KRABD3: variants seen among roughly 807,000 people sequenced by gnomAD.
The protein encoded by KRABD3 is KRAB domain containing 3, also known as KRAB domain-containing protein 3.
chr7:149,719,644 G>A, the KRABD3 span: 8 of 1,608,596 alleles, frequency 5.0e-6, no homozygotes, highest in Non-Finnish European at 6.8e-6. This position sits in a 1 kb window ranked among gnomAD's most constrained non-coding sequence, Gnocchi z 5.6. Flanking sequence ...ACGTGATGCG[G>A]GAGAACTACG....
chr7:149,734,154 C>T, the KRABD3 span: 1 of 1,402,096 alleles, frequency 7.1e-7, no homozygotes, highest in Non-Finnish European at 9.5e-7. Context: ...GACGCCATCT[C>T]CCTTACTGTT....
chr7:149,728,415 C>A, the KRABD3 span: 1 of 1,279,408 alleles, frequency 7.8e-7, no homozygotes, highest in Non-Finnish European at 1.1e-6. Context: ...CTGTGCCCAG[C>A]ACCCCTGTGA....
At chr7:149,733,738 C>T in the KRABD3 span, 1 of 1,583,302 alleles carries the variant, frequency 6.3e-7, no homozygotes, top group East Asian at 2.3e-5. Flanking sequence ...GGCTCCACTG[C>T]AGCTCTTCCC....
the KRABD3 span, chr7:149,722,186 C>T: frequency 1.8e-6 from 1 of 570,980 alleles, no homozygotes; most frequent in East Asian, 3.1e-5. Context: ...GGCATCACTT[C>T]CTGAGCCAAA....
chr7:149,726,519 C>A, the KRABD3 span, among the ~76,000 whole-genome samples: 1 of 151,540 alleles, frequency 6.6e-6, no homozygotes, highest in African/African-American at 2.4e-5. Flanking sequence ...CTCACTGCAA[C>A]CTCCACCTCC....
At chr7:149,733,883 C>T in the KRABD3 span, 2 of 1,591,352 alleles carry the variant, frequency 1.3e-6, no homozygotes, top group African/African-American at 1.3e-5. Flanking sequence ...AGCCTCTCCT[C>T]CTGCAGCCAG....
the KRABD3 span, chr7:149,730,799 A>G: frequency 3.5e-6 from 2 of 578,890 alleles, no homozygotes; most frequent in Non-Finnish European, 6.1e-6. Flanking sequence ...ACTTGATGCC[A>G]CGTACACGGT....
At chr7:149,729,853 T>C in the KRABD3 span, 11 of 985,320 alleles carry the variant, frequency 1.1e-5, no homozygotes, top group African/African-American at 1.7e-5. Context: ...AGAAGCCGCC[T>C]GGCCTGTGAG....
chr7:149,727,163 G>A, the KRABD3 span, among the ~76,000 whole-genome samples: 1 of 152,070 alleles, frequency 6.6e-6, no homozygotes, highest in African/African-American at 2.4e-5. Flanking sequence ...TGGTTAATCC[G>A]AGTCCTCTTG....
the KRABD3 span, chr7:149,730,394 A>G: frequency 1.9e-6 from 3 of 1,565,864 alleles, no homozygotes; most frequent in Non-Finnish European, 2.6e-6. Context: ...GGCGCCAGTC[A>G]CCACTCTGAT....
At chr7:149,721,152 A>G in the KRABD3 span, among the ~76,000 whole-genome samples, 3 of 152,322 alleles carry the variant, frequency 2.0e-5, no homozygotes, top group South Asian at 2.1e-4. Context: ...CTCTGAGCAC[A>G]TGCCCATAGC....
At chr7:149,731,819 C>T in the KRABD3 span, 5 of 1,454,454 alleles carry the variant, frequency 3.4e-6, no homozygotes, top group South Asian at 1.2e-5. Context: ...CGGGCCAGGA[C>T]CCAGAGCCCC....
the KRABD3 span, chr7:149,733,090 TG>T: frequency 7.9e-7 from 1 of 1,259,600 alleles, no homozygotes; most frequent in Non-Finnish European, 1.1e-6. Context: ...CCTTCCTTTC[TG>T]GAAGCTGGGC....
chr7:149,728,614 C>A, the KRABD3 span: 1 of 1,613,730 alleles, frequency 6.2e-7, no homozygotes, highest in East Asian at 2.2e-5. Flanking sequence ...GGCCCTGCTC[C>A]TCAGCAGCAG....
the KRABD3 span, chr7:149,725,560 C>A: frequency 7.0e-7 from 1 of 1,421,586 alleles, no homozygotes; most frequent in Non-Finnish European, 9.4e-7. Context: ...TGAGGACTGT[C>A]GGGTCATTGT....
At chr7:149,719,457 A>T in the KRABD3 span, 1 of 1,383,190 alleles carries the variant, frequency 7.2e-7, no homozygotes. This position sits in a 1 kb window ranked among gnomAD's most constrained non-coding sequence, Gnocchi z 5.6. Flanking sequence ...GTGCGCCTGG[A>T]GGCCTAGGTG....
the KRABD3 span, chr7:149,715,013 C>G: frequency 5.7e-6 from 7 of 1,226,554 alleles, no homozygotes; most frequent in African/African-American, 4.7e-5. Flanking sequence ...CGCCAGGGCC[C>G]GCGCCGGAAA....
At chr7:149,725,679 A>G in the KRABD3 span, among the ~76,000 whole-genome samples, 2 of 152,044 alleles carry the variant, frequency 1.3e-5, no homozygotes, top group Admixed American at 6.5e-5. Context: ...TTCCTGCCCT[A>G]CTTCCTTCTC....
At chr7:149,732,912 C>G in the KRABD3 span, among the ~76,000 whole-genome samples, 15 of 152,246 alleles carry the variant, frequency 9.9e-5, no homozygotes, top group African/African-American at 3.6e-4. The surrounding 1 kb of genome is among the most constrained non-coding windows in gnomAD (Gnocchi z 4.0). Flanking sequence ...AACACAAAGA[C>G]CCACCGATTC....
Sources: gnomAD v4.1 joint callset for allele counts (sites outside exome capture counted in the v4.1 genomes callset) on GRCh38, gnomAD v4.1.1 for gene constraint, Gnocchi (gnomAD v3.1) non-coding constraint, MANE v1.5 for transcripts, NCBI Gene and HGNC (gene_info 2026-07-23, HGNC 2026-07-21) for gene names.